Variants in MCFD2 observed in about 807,000 individuals in gnomAD.
MCFD2 encodes multiple coagulation factor deficiency protein 2.
In MCFD2, 11 loss-of-function variants were observed where a neutral mutation model predicts 12.8. That is an observed-to-expected ratio of 0.86 (90% CI 0.54 to 1.42). The LOEUF (loss-of-function observed/expected upper bound fraction) is 1.42, where lower values mean the gene tolerates loss of function less well. Ranked by LOEUF, MCFD2 falls within the 40% of genes most tolerant of loss-of-function variation. The pLI is 0.00. For missense variants in MCFD2, 191 were observed against 178.6 expected (o/e 1.07, Z -0.40); for synonymous variants, 70 against 68.1 (o/e 1.03, Z -0.14).
At position 46,936,918 on chromosome 2, in the gene MCFD2, G is replaced by A. The variant is rs190573530; in HGVS notation, c.-8+4654C>T. Among the ~76,000 whole-genome samples, 9 of 149,970 alleles carry A rather than the reference G, an allele frequency of 6.0e-5. No homozygotes were observed. In the East Asian group the frequency reaches 7.9e-4, roughly 13 times the overall value. On this transcript the variant is annotated intron_variant, in intron 1 of 2. Coordinates refer to the MCFD2 transcript ENST00000409147. The stretch of plus-strand genomic sequence containing the variant: ...CACCCAGGCTGGAGTGCAGTGGCAC[G>A]ATCTCAGCTCACTGCAACCTCTGCC...
chr2:46,930,211 A>G (rs1669619124), intron 1 of MCFD2, among the ~76,000 whole-genome samples: 2 of 152,222 alleles, frequency 1.3e-5, no homozygotes, highest in Admixed American at 6.5e-5. Context: ...GAGGATCATT[A>G]TAAACAAAAA....
intron 1 of MCFD2, among the ~76,000 whole-genome samples, chr2:46,925,611 G>T (rs949401701): frequency 2.0e-5 from 3 of 152,082 alleles, no homozygotes; most frequent in Non-Finnish European, 4.4e-5. Flanking sequence ...TAACCTGACT[G>T]TATCAACTGA....
At chr2:46,923,365 C>G (rs531726754) in intron 1 of MCFD2, among the ~76,000 whole-genome samples, 81 of 152,268 alleles carry the variant, frequency 5.3e-4, no homozygotes, top group African/African-American at 1.9e-3. Flanking sequence ...TTCTGAATTA[C>G]CTGGGGGCTG....
At position 46,909,019 on chromosome 2, in the gene MCFD2, G is replaced by T. The variant is rs375658193; in HGVS notation, c.149+4C>A. Reference sequence around the variant, plus strand: ...CTGGACCACAGCCCGGGCTGAATACGTACTCTTGGTCGTGCACTGTGTTCT... The same window carrying T: ...CTGGACCACAGCCCGGGCTGAATACTTACTCTTGGTCGTGCACTGTGTTCT... On this transcript the variant is annotated splice_donor_region_variant and intron_variant, in intron 2 of 3. Transcript: ENST00000319466. 2 of 1,614,046 alleles carry T rather than the reference G, an allele frequency of 1.2e-6. No homozygotes were observed. Among genetic ancestry groups the T allele is most frequent in the East Asian group, 2.2e-5 (1 of 44,888 alleles).
chr2:46,910,202 G>A (rs2103752540), intron 1 of MCFD2, among the ~76,000 whole-genome samples: 1 of 152,284 alleles, frequency 6.6e-6, no homozygotes, highest in South Asian at 2.1e-4. Flanking sequence ...GCTCTTGGAG[G>A]GCAGGGAGAA....
At chr2:46,935,896 G>C (rs1421005607) in intron 1 of MCFD2, among the ~76,000 whole-genome samples, 1 of 152,030 alleles carries the variant, frequency 6.6e-6, no homozygotes, top group Non-Finnish European at 1.5e-5. Context: ...TTTGAGACCA[G>C]CCTGGGCAAC....
chr2:46,935,087 C>A (rs1669908560), intron 1 of MCFD2, among the ~76,000 whole-genome samples: 1 of 152,060 alleles, frequency 6.6e-6, no homozygotes, highest in African/African-American at 2.4e-5. Context: ...GTGTGAGCCA[C>A]CACGCCGAGC....
rs539824745 is a variant in MCFD2 at position 46,909,286 on chromosome 2, G to A, written c.-6-109C>T. Reference sequence around the variant, plus strand: ...AAACCTGATGAAGCAGTAAGGTTAGGAAGAGAGCTTGTCAAACACGGCCCA... The same window carrying A: ...AAACCTGATGAAGCAGTAAGGTTAGAAAGAGAGCTTGTCAAACACGGCCCA... On this transcript the variant is annotated intron_variant, in intron 1 of 3. Coordinates refer to ENST00000319466, the MANE Select transcript of MCFD2 (RefSeq NM_139279.6). 8.3e-5 allele frequency: 109 copies of A among 1,316,626 alleles called. 1 individual carries two copies. The highest frequency in any genetic ancestry group is 1.8e-4 in the Admixed American group (9 of 50,476). 81.6% of individuals were successfully genotyped at this position (1,316,626 alleles called of 1,614,324 possible).
chr2:46,918,584 C>A (rs182609548), upstream of MCFD2, among the ~76,000 whole-genome samples: 32 of 152,310 alleles, frequency 2.1e-4, no homozygotes, highest in Admixed American at 2.0e-3. Flanking sequence ...AAACAAGACA[C>A]TAAAATATGG....
rs372171966 is a variant in MCFD2, at chr2:46,908,336, T to C, written c.150-367A>G. On this transcript the variant is annotated intron_variant, in intron 2 of 3. Transcript: ENST00000319466. The surrounding 1 kb of genome is among the most constrained non-coding windows in gnomAD (Gnocchi z 4.5). ...AGTGCAGGAGCGTGATCTTGGCTCA[T>C]TGTAGCCTCAACTTCCCAAGCTCAG... 8.2e-5 allele frequency: 27 copies of C among 330,982 alleles called. No individual in the cohort carries two copies. The highest frequency in any genetic ancestry group is 5.6e-4 in the African/African-American group (26 of 46,290). The allele number at this position is 330,982 out of a possible 1,614,324, so 20.5% of individuals were successfully genotyped here.
intron 1 of MCFD2, among the ~76,000 whole-genome samples, chr2:46,927,652 G>A (rs544239890): frequency 6.6e-6 from 1 of 151,170 alleles, no homozygotes; most frequent in South Asian, 2.1e-4. Flanking sequence ...GAGCTACCGC[G>A]CCCGGCAAAA....
At position 46,903,192 on chromosome 2, in the gene MCFD2, T is replaced by G. The variant is rs1668081816; in HGVS notation, c.*2271A>C. 1 of 153,700 alleles carries G rather than the reference T, an allele frequency of 6.5e-6. No homozygotes were observed. The highest frequency in any genetic ancestry group is 2.4e-5 in the African/African-American group (1 of 41,500). 9.5% of individuals were successfully genotyped at this position (153,700 alleles called of 1,614,324 possible). On this transcript the variant is annotated 3_prime_UTR_variant, in exon 4 of 4. Coordinates refer to ENST00000319466, the MANE Select transcript of MCFD2 (RefSeq NM_139279.6). Reference sequence around the variant, plus strand: ...GTTTATCAGGGGTTTCTGCTTTTGCTTCTTCCTCATTTTTTCTTGCCACAA... The same window carrying G: ...GTTTATCAGGGGTTTCTGCTTTTGCGTCTTCCTCATTTTTTCTTGCCACAA...
intron 1 of MCFD2, among the ~76,000 whole-genome samples, chr2:46,913,101 C>T (rs1031784584): frequency 1.2e-4 from 19 of 152,148 alleles, no homozygotes; most frequent in African/African-American, 4.1e-4. Flanking sequence ...CAAAATATCC[C>T]TTCTTTAAGG....
chr2:46,906,016 C>A (rs1162948835), intron 3 of MCFD2: 3 of 471,544 alleles, frequency 6.4e-6, no homozygotes, highest in Non-Finnish European at 1.3e-5. Flanking sequence ...AATTGGACAA[C>A]AAGTTGGCAT....
At chr2:46,923,747 T>C (rs1323946296) in intron 1 of MCFD2, among the ~76,000 whole-genome samples, 2 of 152,138 alleles carry the variant, frequency 1.3e-5, no homozygotes, top group South Asian at 4.2e-4. Flanking sequence ...TTTTTTTTTT[T>C]TGGAGACAAA....
intron 1 of MCFD2, among the ~76,000 whole-genome samples, chr2:46,931,723 T>TAAATAAATAAATAAAA (rs1406473779): frequency 4.9e-4 from 74 of 151,536 alleles, no homozygotes; most frequent in African/African-American, 1.7e-3. Context: ...AATAAATAAA[T>TAAATAAATAAATAAAA]AAAATTGATA....
chr2:46,915,849 C>A, upstream of MCFD2: 2 of 956,208 alleles, frequency 2.1e-6, no homozygotes, highest in Non-Finnish European at 2.5e-6. Flanking sequence ...CGCACGCGCG[C>A]TCCCTGCCGC....
In MCFD2 at chr2:46,905,338, C is replaced by T. The variant is rs1400826843; in HGVS notation, c.*125G>A. On this transcript the variant is annotated 3_prime_UTR_variant, in exon 4 of 4. Transcript: ENST00000319466. Reference sequence around the variant, plus strand: ...CTCTTCTCACCCCAGTGTAACGAATCGCTACAGGTTTTTACCAAAATGCTG... The same window carrying T: ...CTCTTCTCACCCCAGTGTAACGAATTGCTACAGGTTTTTACCAAAATGCTG... 7.8e-6 allele frequency: 8 copies of T among 1,023,792 alleles called. No individual in the cohort carries two copies. Among genetic ancestry groups the T allele is most frequent in the South Asian group, 1.3e-5 (1 of 78,098 alleles). The allele number at this position is 1,023,792 out of a possible 1,614,324, so 63.4% of individuals were successfully genotyped here. A position where few individuals can be genotyped will look rare whatever the true frequency, so the allele number is the denominator to read the frequency against.
upstream of MCFD2, among the ~76,000 whole-genome samples, chr2:46,918,965 G>T (rs1446347052): frequency 6.6e-6 from 1 of 152,190 alleles, no homozygotes; most frequent in African/African-American, 2.4e-5. Flanking sequence ...TACTCAGGTT[G>T]AAACTAGTAC....
Sources: allele counts gnomAD v4.1 joint callset (sites outside exome capture counted in the v4.1 genomes callset), GRCh38; gene constraint gnomAD v4.1.1; non-coding constraint Gnocchi (gnomAD v3.1); transcripts MANE v1.5; gene names NCBI Gene and HGNC (gene_info 2026-07-23, HGNC 2026-07-21).